Variants in ETV7 observed in about 807,000 individuals in gnomAD.
ETV7 encodes the protein ETS variant transcription factor 7, also known as transcription factor ETV7.
Under a neutral mutation model 39.1 loss-of-function variants are expected in ETV7, and 43 were observed. The observed-to-expected ratio is 1.10, with a 90% CI of 0.86 to 1.42. ETV7 has a LOEUF of 1.42. Among genes scored for constraint, ETV7 ranks in the 40% most tolerant of loss-of-function variants. The pLI is 0.00. For synonymous variants in ETV7, 196 were observed against 176.6 expected, an observed-to-expected ratio of 1.11 and a Z score of -0.87; for missense variants, 432 against 442.3, an observed-to-expected ratio of 0.98 and a Z score of 0.21.
Position 36,371,647 on chromosome 6 carries a change from G to C in ETV7, c.434-87C>G, listed in dbSNP as rs560974519. ...CCTCAATGGTGAGCCTGGGAGCCCT[G>C]TGGGGCAGCACTCCTGATGCTCTTT... On this transcript the variant is annotated intron_variant, in intron 4 of 7. Coordinates refer to ENST00000340181, the MANE Select transcript of ETV7 (RefSeq NM_016135.4). 3.4e-6 allele frequency: 4 copies of C among 1,183,232 alleles called. No homozygotes were observed. In the African/African-American group the frequency reaches 6.0e-5, roughly 18 times the overall value. 73.3% of individuals were successfully genotyped at this position (1,183,232 alleles called of 1,614,324 possible).
At chr6:36,379,136 CA>C (rs1773521914) in intron 2 of ETV7, among the ~76,000 whole-genome samples, 1 of 152,248 alleles carries the variant, frequency 6.6e-6, no homozygotes, top group Non-Finnish European at 1.5e-5. Flanking sequence ...CACAGCCAGC[CA>C]GGGCTTCCGC....
At chr6:36,383,162 C>T (rs1372093457) in intron 2 of ETV7, among the ~76,000 whole-genome samples, 1 of 152,178 alleles carries the variant, frequency 6.6e-6, no homozygotes, top group Non-Finnish European at 1.5e-5. Flanking sequence ...GCTGCGTCCC[C>T]CCATAGCTCC....
chr6:36,366,064 C>T (rs771466740), downstream of ETV7: 33 of 430,512 alleles, frequency 7.7e-5, no homozygotes, highest in African/African-American at 1.3e-4. Context: ...ATCCCAGCTA[C>T]TCCGGAGGCT....
intron 7 of ETV7, 41 bp downstream of exon 7, chr6:36,366,834 A>C (rs1463569528): frequency 6.2e-7 from 1 of 1,612,834 alleles, no homozygotes; most frequent in Non-Finnish European, 8.5e-7. Flanking sequence ...ACCCAACCCC[A>C]GTTCTGCTTC....
intron 2 of ETV7, 80 bp from the exon 3 acceptor site, chr6:36,376,115 A>T (rs1331888685): frequency 1.1e-5 from 15 of 1,369,532 alleles, no homozygotes; most frequent in Non-Finnish European, 1.5e-5. Flanking sequence ...TCATCTGAGC[A>T]GATGCTCCCC....
At position 36,368,883 on chromosome 6, in the gene ETV7, G is replaced by C. The variant is rs182689411; in HGVS notation, c.807+46C>G. On this transcript the variant is annotated intron_variant, in intron 6 of 7. Transcript: ENST00000340181. ...GGGGTCCACTCTGACCCCCAACTCT[G>C]TCCCCTTCTGGTTATGTTGAGACCA... 4.2e-5 allele frequency: 68 copies of C among 1,613,580 alleles called. No individual in the cohort carries two copies. In the East Asian group the frequency reaches 1.4e-3, roughly 34 times the overall value.
chr6:36,372,795 C>T (rs1773099907), intron 4 of ETV7, among the ~76,000 whole-genome samples: 1 of 146,518 alleles, frequency 6.8e-6, no homozygotes, highest in African/African-American at 2.6e-5. Context: ...GTGGGGCAGG[C>T]AGCGTGGGTG....
downstream of ETV7, among the ~76,000 whole-genome samples, chr6:36,364,289 T>C (rs1772634023): frequency 1.3e-5 from 2 of 152,164 alleles, no homozygotes; most frequent in Admixed American, 1.3e-4. Flanking sequence ...GGGGTGGCGC[T>C]CGTCGGGGAG....
chr6:36,376,700 C>T (rs1002642009), intron 2 of ETV7, among the ~76,000 whole-genome samples: 2 of 151,234 alleles, frequency 1.3e-5, no homozygotes, highest in African/African-American at 4.9e-5. Flanking sequence ...CGCTCGAACC[C>T]GGGAAGCAGA....
At chr6:36,383,400 T>C (rs1393845363) in intron 2 of ETV7, among the ~76,000 whole-genome samples, 1 of 152,142 alleles carries the variant, frequency 6.6e-6, no homozygotes, top group East Asian at 1.9e-4. Context: ...GTCAGGAAAA[T>C]CAACACAAAA....
At chr6:36,366,122 C>T (rs565720432), downstream of ETV7, 224 of 924,714 alleles carry the variant, frequency 2.4e-4, 5 homozygotes, top group South Asian at 5.5e-3. Flanking sequence ...TGCAGTGAGC[C>T]GAGATCGTGC....
At chr6:36,373,099 G>A (rs895863858) in intron 4 of ETV7, among the ~76,000 whole-genome samples, 4 of 151,970 alleles carry the variant, frequency 2.6e-5, no homozygotes, top group South Asian at 2.1e-4. Flanking sequence ...CAAAGGCTGC[G>A]AGAGACCACA....
At chr6:36,363,623 C>T (rs1419194152), downstream of ETV7, among the ~76,000 whole-genome samples, 1 of 152,234 alleles carries the variant, frequency 6.6e-6, no homozygotes, top group African/African-American at 2.4e-5. Context: ...AACGGGTTGC[C>T]ACTGCTAGCT....
At chr6:36,383,893 A>G (rs1161917580) in intron 2 of ETV7, among the ~76,000 whole-genome samples, 2 of 152,170 alleles carry the variant, frequency 1.3e-5, no homozygotes, top group African/African-American at 4.8e-5. Flanking sequence ...TCTCACCTCC[A>G]CACTCTGAAG....
chr6:36,363,905 C>T (rs1443615879), downstream of ETV7, among the ~76,000 whole-genome samples: 1 of 151,980 alleles, frequency 6.6e-6, no homozygotes, highest in African/African-American at 2.4e-5. Flanking sequence ...TATTTACAAA[C>T]CTTGAGGTAG....
chr6:36,360,687 A>C (rs2127381745), intron 7 of ETV7, among the ~76,000 whole-genome samples: 1 of 152,286 alleles, frequency 6.6e-6, no homozygotes, highest in Admixed American at 6.5e-5. Flanking sequence ...CCTAGTGGAC[A>C]TGGTTTTAAA....
chr6:36,376,096 C>T lies in ETV7; in HGVS notation c.143-61G>A, dbSNP rs914006532. 47 of 1,487,034 alleles carry T rather than the reference C, an allele frequency of 3.2e-5. No individual in the cohort carries two copies. In the Middle Eastern group the frequency reaches 6.8e-4, roughly 22 times the overall value. The allele number at this position is 1,487,034 out of a possible 1,614,324, so 92.1% of individuals were successfully genotyped here. A position where few individuals can be genotyped will look rare whatever the true frequency, so the allele number is the denominator to read the frequency against. ...TCGGGCCTCCTCAAAGAAGCCCACC[C>T]TGAACACTTCATCTGAGCAGATGCT... On this transcript the variant is annotated intron_variant, in intron 2 of 7. Coordinates refer to ENST00000340181, the MANE Select transcript of ETV7 (RefSeq NM_016135.4).
In ETV7 at chr6:36,373,496, GA is replaced by G; in HGVS notation, c.389del (p.Phe130SerfsTer3). ...AGTGCTGGGTGGGCGTCTTCAGCCT[GA>G]AGATCCCTCCAAAAAAGGGCCCACA... The part of the protein sequence containing the change: ...LVCGPFFGGI[F>X]RLKTPTQHSP... On this transcript the variant is annotated frameshift_variant, in exon 4 of 8. Coordinates refer to ENST00000340181, the MANE Select transcript of ETV7 (RefSeq NM_016135.4). LOFTEE classifies it high-confidence loss of function. 1 of 1,566,772 alleles carries G rather than the reference GA, an allele frequency of 6.4e-7. No individual in the cohort carries two copies. Among genetic ancestry groups the G allele is most frequent in the Non-Finnish European group, 8.6e-7 (1 of 1,156,290 alleles).
downstream of ETV7, among the ~76,000 whole-genome samples, chr6:36,361,640 G>C (rs1415468330): frequency 2.6e-5 from 4 of 152,236 alleles, no homozygotes; most frequent in Non-Finnish European, 5.9e-5. Flanking sequence ...GCCTTTCTAA[G>C]AAAGAATCCA....
Sources: gnomAD v4.1 joint callset for allele counts (sites outside exome capture counted in the v4.1 genomes callset) on GRCh38, gnomAD v4.1.1 for gene constraint, MANE v1.5 for transcripts, NCBI Gene and HGNC (gene_info 2026-07-23, HGNC 2026-07-21) for gene names.